The following RXFP1 variants were observed in gnomAD, a reference collection of about 807,000 sequenced individuals.
RXFP1 encodes relaxin family peptide receptor 1.
Under a neutral mutation model 89.8 loss-of-function variants are expected in RXFP1, and 73 were observed. The ratio of observed to expected loss-of-function variants is 0.81; its 90% CI spans 0.67 to 0.99. RXFP1 has a LOEUF of 0.99. Ranked by LOEUF, RXFP1 falls within the 50% of genes least tolerant of loss-of-function variation. RXFP1 has a pLI of 0.00. For synonymous variants in RXFP1, 277 were observed against 305.5 expected (o/e 0.91, Z 0.97); for missense variants, 793 against 895.5 (o/e 0.89, Z 1.46).
intron 2 of RXFP1, among the ~76,000 whole-genome samples, chr4:158,587,602 T>C (rs1400270105): frequency 6.6e-6 from 1 of 152,238 alleles, no homozygotes; most frequent in Non-Finnish European, 1.5e-5. Flanking sequence ...TGAAATTCTA[T>C]AGATAGAATG....
chr4:158,634,826 A>C (rs1290787056), intron 12 of RXFP1, among the ~76,000 whole-genome samples: 2 of 152,146 alleles, frequency 1.3e-5, no homozygotes, highest in Non-Finnish European at 2.9e-5. Context: ...CCCTTGTTGA[A>C]AATCATTTGA....
chr4:158,535,952 A>C (rs978367320), intron 1 of RXFP1, among the ~76,000 whole-genome samples: 1 of 152,242 alleles, frequency 6.6e-6, no homozygotes, highest in Admixed American at 6.5e-5. Context: ...TAAGGCAATA[A>C]ATAAAACATA....
chr4:158,562,552 T>A (rs201550957), intron 1 of RXFP1, among the ~76,000 whole-genome samples: 2,577 of 39,104 alleles, frequency 0.066, no homozygotes, highest in Non-Finnish European at 0.1. Context: ...AAAAAAAAAA[T>A]ACACATATTT....
At chr4:158,560,195 C>T (rs1264568121) in intron 1 of RXFP1, among the ~76,000 whole-genome samples, 2 of 152,218 alleles carry the variant, frequency 1.3e-5, no homozygotes, top group Non-Finnish European at 2.9e-5. Flanking sequence ...AATATCTCCA[C>T]ACCGTAAGCC....
chr4:158,634,249 T>A (rs1283173748), intron 12 of RXFP1, among the ~76,000 whole-genome samples: 3 of 152,178 alleles, frequency 2.0e-5, no homozygotes, highest in Non-Finnish European at 4.4e-5. Flanking sequence ...ACTGTGATTT[T>A]GTTTTGTGAT....
At chr4:158,585,726 A>G (rs1213575621) in intron 2 of RXFP1, among the ~76,000 whole-genome samples, 1 of 152,238 alleles carries the variant, frequency 6.6e-6, no homozygotes, top group African/African-American at 2.4e-5. Flanking sequence ...ATACAAAAAT[A>G]CATAGGTAAA....
intron 1 of RXFP1, among the ~76,000 whole-genome samples, chr4:158,548,454 A>G (rs1230444350): frequency 6.6e-6 from 1 of 152,192 alleles, no homozygotes; most frequent in African/African-American, 2.4e-5. Context: ...ATTTACATTT[A>G]AAGTTAATAT....
At position 158,573,777 on chromosome 4, in the gene RXFP1, A is replaced by G. The variant is rs1418019823; in HGVS notation, c.187+942A>G. On this transcript the variant is annotated intron_variant, in intron 2 of 17. Coordinates refer to ENST00000307765, the MANE Select transcript of RXFP1 (RefSeq NM_021634.4). ...AGCCTCTCTGTACCTCAGTTTCCTC[A>G]TTTCATAAAAGGGCATGGTAATTGT... Among the ~76,000 whole-genome samples the G allele has an allele frequency of 2.6e-5, 4 of 152,124 alleles. No individual in the cohort carries two copies. The East Asian group carries it at 7.7e-4, about 29-fold the overall frequency.
chr4:158,651,414 A>T (rs1772707562), intron 17 of RXFP1, among the ~76,000 whole-genome samples: 1 of 152,354 alleles, frequency 6.6e-6, no homozygotes, highest in Non-Finnish European at 1.5e-5. Flanking sequence ...ACTTAAATTT[A>T]TGACTTAAAT....
chr4:158,604,665 C>G (rs1337417599), intron 4 of RXFP1, among the ~76,000 whole-genome samples: 1 of 152,008 alleles, frequency 6.6e-6, no homozygotes, highest in Non-Finnish European at 1.5e-5. Flanking sequence ...GGAATGTGAG[C>G]AATGAAATAT....
In RXFP1 at chr4:158,641,980, T is replaced by A. The variant is rs1198543290; in HGVS notation, c.1115+2649T>A. Among the ~76,000 whole-genome samples the A allele has an allele frequency of 2.0e-5, 3 of 152,350 alleles. No homozygotes were observed. The East Asian group carries it at 5.8e-4, about 29-fold the overall frequency. On this transcript the variant is annotated intron_variant, in intron 14 of 17. Transcript: ENST00000307765. ...CATGGTATATTTATCAACAAGGAAA[T>A]TCTCTCTGTTGATGAAAGAAGTCAC...
chr4:158,612,842 T>A (rs1430028576), intron 8 of RXFP1, among the ~76,000 whole-genome samples: 1 of 152,066 alleles, frequency 6.6e-6, no homozygotes, highest in African/African-American at 2.4e-5. Flanking sequence ...AACTCCTGAC[T>A]TCATGATCCA....
intron 12 of RXFP1, among the ~76,000 whole-genome samples, chr4:158,636,353 T>G (rs956485725): frequency 6.6e-6 from 1 of 152,216 alleles, no homozygotes; most frequent in Non-Finnish European, 1.5e-5. Context: ...TAAATGAGAT[T>G]ATTTTATTTC....
intron 15 of RXFP1, 78 bp downstream of exon 15, chr4:158,645,216 A>G: frequency 9.1e-7 from 1 of 1,093,760 alleles, no homozygotes. Context: ...AAGTTGTGTG[A>G]GTGGTAGAAT....
chr4:158,620,024 C>G (rs1202924677), intron 9 of RXFP1, among the ~76,000 whole-genome samples: 1 of 152,088 alleles, frequency 6.6e-6, no homozygotes, highest in Non-Finnish European at 1.5e-5. Context: ...AGAACCAGAA[C>G]CAGCAATAAC....
intron 9 of RXFP1, 132 bp downstream of exon 9, chr4:158,617,337 A>G (rs1275300777): frequency 1.8e-6 from 1 of 546,340 alleles, no homozygotes; most frequent in African/African-American, 2.0e-5. Flanking sequence ...CATTTCCTCA[A>G]ACTGCTTTAA....
rs1771721532 is a variant in RXFP1, at chr4:158,647,146, T to C, written c.1701T>C (p.His567=). The C allele has an allele frequency of 6.2e-7, 1 of 1,612,534 alleles. No individual in the cohort carries two copies. The highest frequency in any genetic ancestry group is 1.3e-5 in the African/African-American group (1 of 74,820). Residue 567 remains histidine (H), a synonymous_variant, in exon 16 of 18, where the codon CAT becomes CAC. Coordinates refer to ENST00000307765, the MANE Select transcript of RXFP1 (RefSeq NM_021634.4). ...YGTNGVCFPL[H]SEDTESIGAQ... ...CCAATGGAGTATGCTTCCCTCTTCA[T>C]TCAGAAGATACAGAAAGTATTGGAG...
At chr4:158,531,062 G>T (rs1418652802) in intron 1 of RXFP1, among the ~76,000 whole-genome samples, 1 of 152,020 alleles carries the variant, frequency 6.6e-6, no homozygotes, top group African/African-American at 2.4e-5. Flanking sequence ...TTGAGACAGG[G>T]TCTTGCTCTC....
At chr4:158,608,590 T>C (rs1202546426) in intron 6 of RXFP1, among the ~76,000 whole-genome samples, 4 of 152,104 alleles carry the variant, frequency 2.6e-5, no homozygotes, top group African/African-American at 9.7e-5. Flanking sequence ...TACTGTAAGG[T>C]TAAAGAAATA....
Sources: allele counts gnomAD v4.1 joint callset (sites outside exome capture counted in the v4.1 genomes callset), GRCh38; gene constraint gnomAD v4.1.1; transcripts MANE v1.5; gene names NCBI Gene and HGNC (gene_info 2026-07-23, HGNC 2026-07-21).